CNTNAP5: variants seen among roughly 807,000 people sequenced by gnomAD.
CNTNAP5 encodes the protein contactin-associated protein-like 5.
In CNTNAP5, 72 loss-of-function variants were observed where a neutral mutation model predicts 150.2. The ratio of observed to expected loss-of-function variants is 0.48; its 90% CI spans 0.40 to 0.58. The LOEUF is 0.58. Among genes scored for constraint, CNTNAP5 ranks in the 20% least tolerant of loss-of-function variants. CNTNAP5 has a pLI of 0.00. For synonymous variants in CNTNAP5, 672 were observed against 619.8 expected (o/e 1.08, Z -1.25); for missense variants, 1,636 against 1,626.2 (o/e 1.01, Z -0.10).
At chr2:124,491,056 G>A (rs1441212446) in intron 7 of CNTNAP5, among the ~76,000 whole-genome samples, 1 of 152,030 alleles carries the variant, frequency 6.6e-6, no homozygotes, top group Non-Finnish European at 1.5e-5. Context: ...TGTTCAAGGT[G>A]TACAATGTGA....
chr2:124,189,499 T>C (rs138422373), intron 1 of CNTNAP5, among the ~76,000 whole-genome samples: 2 of 152,246 alleles, frequency 1.3e-5, no homozygotes, highest in African/African-American at 4.8e-5. Flanking sequence ...CAACTTTGAA[T>C]TGTGATTCTG....
chr2:124,685,761 TGC>T (rs60811602), intron 13 of CNTNAP5, among the ~76,000 whole-genome samples: 3 of 133,818 alleles, frequency 2.2e-5, no homozygotes, highest in African/African-American at 8.6e-5. Flanking sequence ...TGTGTGTGTG[TGC>T]GCGCGCGTGT....
intron 1 of CNTNAP5, among the ~76,000 whole-genome samples, chr2:124,148,581 C>T (rs115853738): frequency 0.054 from 7,858 of 145,796 alleles, 331 homozygotes; most frequent in East Asian, 0.18. Flanking sequence ...TATGTTAGGG[C>T]CTATTCAGTA....
intron 11 of CNTNAP5, among the ~76,000 whole-genome samples, chr2:124,577,601 C>A (rs1696312766): frequency 6.6e-6 from 1 of 151,998 alleles, no homozygotes; most frequent in East Asian, 1.9e-4. Context: ...TTAAAATTAG[C>A]AGGAATGTGG....
At chr2:124,102,899 C>T (rs1461478143) in intron 1 of CNTNAP5, among the ~76,000 whole-genome samples, 1 of 152,194 alleles carries the variant, frequency 6.6e-6, no homozygotes, top group Non-Finnish European at 1.5e-5. Context: ...ATGTGTGGCT[C>T]TTATTTATCC....
intron 13 of CNTNAP5, among the ~76,000 whole-genome samples, chr2:124,724,367 C>T (rs1176032787): frequency 2.6e-5 from 4 of 152,122 alleles, no homozygotes; most frequent in East Asian, 1.9e-4. Flanking sequence ...TCCACACCCT[C>T]GCCAGGGGCA....
chr2:124,717,729 T>C (rs1003002304), intron 13 of CNTNAP5, among the ~76,000 whole-genome samples: 1 of 152,302 alleles, frequency 6.6e-6, no homozygotes, highest in African/African-American at 2.4e-5. Flanking sequence ...GTAAGCTATA[T>C]TGGCCTGAAC....
intron 19 of CNTNAP5, among the ~76,000 whole-genome samples, chr2:124,857,517 T>G (rs2104710577): frequency 6.6e-6 from 1 of 151,902 alleles, no homozygotes; most frequent in South Asian, 2.1e-4. Context: ...CCCTTGGGAT[T>G]TTCAAGATAC....
intron 3 of CNTNAP5, among the ~76,000 whole-genome samples, chr2:124,250,630 G>T (rs1209043694): frequency 6.6e-6 from 1 of 152,052 alleles, no homozygotes; most frequent in East Asian, 1.9e-4. Flanking sequence ...TTCGCATAGA[G>T]TCCTGGCAGC....
chr2:124,287,303 C>A (rs772953978), intron 3 of CNTNAP5, among the ~76,000 whole-genome samples: 2 of 152,064 alleles, frequency 1.3e-5, no homozygotes, highest in Admixed American at 1.3e-4. Context: ...TGTAGATAAC[C>A]CAAAATCCAA....
At chr2:124,537,735 T>C (rs1695272724) in intron 10 of CNTNAP5, among the ~76,000 whole-genome samples, 2 of 152,210 alleles carry the variant, frequency 1.3e-5, no homozygotes, top group Admixed American at 1.3e-4. Flanking sequence ...AGGGGGAACC[T>C]GGATTTGATT....
intron 5 of CNTNAP5, among the ~76,000 whole-genome samples, chr2:124,436,579 C>T (rs79269543): frequency 0.042 from 6,343 of 152,086 alleles, 152 homozygotes; most frequent in Middle Eastern, 0.054. Flanking sequence ...ATAGAAGCTC[C>T]GTATTGCTCA....
intron 8 of CNTNAP5, among the ~76,000 whole-genome samples, chr2:124,515,982 G>T (rs148211406): frequency 6.6e-6 from 1 of 152,272 alleles, no homozygotes; most frequent in East Asian, 1.9e-4. Context: ...ATCTAGCAAG[G>T]TGTCCTCTAT....
intron 18 of CNTNAP5, among the ~76,000 whole-genome samples, chr2:124,792,243 G>A (rs1312919358): frequency 1.3e-5 from 2 of 152,128 alleles, no homozygotes; most frequent in African/African-American, 2.4e-5. Context: ...ATAATGATAC[G>A]AAGAAGCAAT....
Position 124,194,101 on chromosome 2 carries a change from G to C in CNTNAP5, c.83-27604G>C, listed in dbSNP as rs562720682. 5.9e-5 allele frequency among the ~76,000 whole-genome samples: 9 copies of C among 152,132 alleles called. No homozygotes were observed. The South Asian group carries it at 1.9e-3, about 32-fold the overall frequency. On this transcript the variant is annotated intron_variant, in intron 1 of 23. Coordinates refer to ENST00000682447, the MANE Select transcript of CNTNAP5 (RefSeq NM_001367498.1). Reference sequence around the variant, plus strand: ...TCCTAGGCCTTGGCGGGCATATCCAGAGCCCTTTATGGGATCCAGGACACA... The same window carrying C: ...TCCTAGGCCTTGGCGGGCATATCCACAGCCCTTTATGGGATCCAGGACACA...
intron 13 of CNTNAP5, among the ~76,000 whole-genome samples, chr2:124,719,082 A>G (rs1467364818): frequency 6.6e-6 from 1 of 152,194 alleles, no homozygotes; most frequent in South Asian, 2.1e-4. Context: ...GTGCCTTGTC[A>G]TGGATCAAAG....
At chr2:124,882,797 G>C (rs1483150217) in intron 21 of CNTNAP5, among the ~76,000 whole-genome samples, 1 of 151,978 alleles carries the variant, frequency 6.6e-6, no homozygotes, top group Non-Finnish European at 1.5e-5. Context: ...CACGTGGCTG[G>C]GGAGGCCTCA....
chr2:124,907,478 T>C (rs1013559048), intron 22 of CNTNAP5, among the ~76,000 whole-genome samples: 2 of 148,866 alleles, frequency 1.3e-5, no homozygotes, highest in Admixed American at 1.4e-4. Context: ...TTCTATTCTA[T>C]AAGAATAGAT....
rs1015965739 is a variant in CNTNAP5 at position 124,100,005 on chromosome 2, G to A, written c.82+74273G>A. ...AGATCCAAACCATATCACTGTATTA[G>A]GTCATTTTTGCATTGCTATAAAGAA... is the stretch of plus-strand genomic sequence containing the variant. On this transcript the variant is annotated intron_variant, in intron 1 of 23. Transcript: ENST00000682447. 2.0e-5 allele frequency among the ~76,000 whole-genome samples: 3 copies of A among 152,070 alleles called. No individual in the cohort carries two copies. In the East Asian group the frequency reaches 5.8e-4, roughly 29 times the overall value.
Sources: gnomAD v4.1 joint callset for allele counts (sites outside exome capture counted in the v4.1 genomes callset) on GRCh38, gnomAD v4.1.1 for gene constraint, MANE v1.5 for transcripts, NCBI Gene and HGNC (gene_info 2026-07-23, HGNC 2026-07-21) for gene names.